HADHB: variants seen among roughly 807,000 people sequenced by gnomAD.
HADHB encodes hydroxyacyl-CoA dehydrogenase trifunctional multienzyme complex subunit beta, also known as trifunctional enzyme subunit beta, mitochondrial.
Under a neutral mutation model 61.9 loss-of-function variants are expected in HADHB, and 50 were observed. The ratio of observed to expected loss-of-function variants is 0.81; its 90% CI spans 0.64 to 1.02. The LOEUF is 1.02. Ranked by LOEUF, HADHB falls within the 50% of genes least tolerant of loss-of-function variation. The pLI is 0.00. For missense variants in HADHB, 504 were observed against 586.5 expected (o/e 0.86, Z 1.45); for synonymous variants, 191 against 201.6 (o/e 0.95, Z 0.45).
In HADHB at chr2:26,284,177, T is replaced by C. The variant is rs1200538942; in HGVS notation, c.1122T>C (p.Asp374=). 6.3e-7 allele frequency: 1 copy of C among 1,586,668 alleles called. No individual in the cohort carries two copies. The highest frequency in any genetic ancestry group is 1.7e-5 in the Admixed American group (1 of 59,980). The change falls in exon 13 of 16, where the codon GAT becomes GAC. Residue 374 remains aspartate, a synonymous_variant. Coordinates refer to ENST00000317799, the MANE Select transcript of HADHB (RefSeq NM_000183.3). Reference sequence around the variant, plus strand: ...CAGGATTGACCATGAATGATATTGATGCTTTTGAATTTCATGAAGCTTTCT... The same window carrying C: ...CAGGATTGACCATGAATGATATTGACGCTTTTGAATTTCATGAAGCTTTCT... The part of the protein sequence containing the change: ...EKAGLTMNDI[D]AFEFHEAFSG...
At chr2:26,284,313 G>C (rs1574668715) in intron 13 of HADHB, 109 bp downstream of exon 13, 2 of 775,030 alleles carry the variant, frequency 2.6e-6, no homozygotes, top group East Asian at 4.9e-5. Flanking sequence ...AGCAGGAGTG[G>C]ACCTGCATAT....
chr2:26,260,861 C>G, intron 3 of HADHB: 2 of 618,576 alleles, frequency 3.2e-6, no homozygotes, highest in Non-Finnish European at 5.7e-6. Context: ...CTTATTTGCT[C>G]ACTTATGGTT....
At chr2:26,277,305 A>G (rs1378059302) in intron 7 of HADHB, 145 bp downstream of exon 7, 2 of 575,748 alleles carry the variant, frequency 3.5e-6, no homozygotes, top group African/African-American at 2.0e-5. Flanking sequence ...TGGTACCATC[A>G]TAGCTCACTG....
intron 1 of HADHB, among the ~76,000 whole-genome samples, chr2:26,252,253 A>T (rs1204622346): frequency 1.3e-5 from 2 of 152,226 alleles, no homozygotes; most frequent in Non-Finnish European, 2.9e-5. Flanking sequence ...ATTCTGTGAT[A>T]TGGAGAGGGA....
chr2:26,280,796 G>A (rs369388374), intron 10 of HADHB, among the ~76,000 whole-genome samples: 13 of 146,548 alleles, frequency 8.9e-5, no homozygotes, highest in African/African-American at 2.8e-4. Flanking sequence ...TGGAGGTTGC[G>A]GTGAGCCAAG....
rs925005540 is a variant in HADHB at position 26,256,726 on chromosome 2, G to A, written c.109+2252G>A. On this transcript the variant is annotated intron_variant, in intron 3 of 15. Transcript: ENST00000317799. Reference sequence around the variant, plus strand: ...TCTAATATTTGCAAATAAGAAAATCGTGGCAGAGTAGGCCTACAACCCAGA... The same window carrying A: ...TCTAATATTTGCAAATAAGAAAATCATGGCAGAGTAGGCCTACAACCCAGA... Among the ~76,000 whole-genome samples, 9 of 152,136 alleles carry A rather than the reference G, an allele frequency of 5.9e-5. No homozygotes were observed. The East Asian group carries it at 1.3e-3, about 23-fold the overall frequency.
chr2:26,286,544 C>T (rs947229082), intron 15 of HADHB, among the ~76,000 whole-genome samples: 3 of 152,070 alleles, frequency 2.0e-5, no homozygotes, highest in Non-Finnish European at 2.9e-5. Flanking sequence ...ACTCTGTCCC[C>T]CAGGCTGGAG....
Position 26,289,997 on chromosome 2 carries a change from A to T in HADHB, c.*44A>T, listed in dbSNP as rs746969104. 7.6e-7 allele frequency: 1 copy of T among 1,313,946 alleles called. No individual in the cohort carries two copies. The highest frequency in any genetic ancestry group is 1.1e-6 in the Non-Finnish European group (1 of 906,314). The allele number at this position is 1,313,946 out of a possible 1,614,324, so 81.4% of individuals were successfully genotyped here. ...CCTGAAGTTTCTGTGCAACACTCAC[A>T]CTAGGCAATGCCATTTCAATGCATT... On this transcript the variant is annotated 3_prime_UTR_variant, in exon 16 of 16. Coordinates refer to ENST00000317799, the MANE Select transcript of HADHB (RefSeq NM_000183.3).
At chr2:26,272,367 CAG>C (rs1451867246) in intron 5 of HADHB, among the ~76,000 whole-genome samples, 15 of 137,344 alleles carry the variant, frequency 1.1e-4, no homozygotes, top group Non-Finnish European at 1.8e-4. Context: ...TTTTTTGACA[CAG>C]AGTTTCGCTC....
At chr2:26,282,766 G>A (rs1672844866) in intron 10 of HADHB, 79 bp from the exon 11 acceptor site, 1 of 911,264 alleles carries the variant, frequency 1.1e-6, no homozygotes. Context: ...ATAGATTCAG[G>A]TACAGATATA....
intron 6 of HADHB, among the ~76,000 whole-genome samples, chr2:26,275,677 C>G (rs1442885998): frequency 2.6e-5 from 4 of 152,194 alleles, no homozygotes; most frequent in Admixed American, 6.5e-5. Flanking sequence ...GAGGCTGATG[C>G]ACAGGTGCCT....
At chr2:26,245,401 C>T (rs1446855053) in intron 1 of HADHB, 1 of 152,312 alleles carries the variant, frequency 6.6e-6, no homozygotes, top group Non-Finnish European at 1.5e-5. Flanking sequence ...GTGGACGGCG[C>T]CATGGGTTTG....
At chr2:26,266,695 C>T (rs1021548082) in intron 4 of HADHB, among the ~76,000 whole-genome samples, 1 of 151,576 alleles carries the variant, frequency 6.6e-6, no homozygotes, top group Non-Finnish European at 1.5e-5. Flanking sequence ...GCCTGGCCAA[C>T]ATGGCGAGAC....
intron 15 of HADHB, among the ~76,000 whole-genome samples, chr2:26,286,389 T>C (rs754052798): frequency 2.0e-5 from 3 of 152,182 alleles, no homozygotes; most frequent in Non-Finnish European, 4.4e-5. Context: ...TGGGGAAATA[T>C]ATTGTTGACA....
In HADHB at chr2:26,257,524, C is replaced by T. The variant is rs1336548554; in HGVS notation, c.109+3050C>T. ...TTGGGGGAGGGGGCTCAGGAAAAACCTCTGTCTCCTCTGTGGCACCTTTAC... is the reference window on the plus strand; with the variant it reads ...TTGGGGGAGGGGGCTCAGGAAAAACTTCTGTCTCCTCTGTGGCACCTTTAC... On this transcript the variant is annotated intron_variant, in intron 3 of 15. Coordinates refer to ENST00000317799, the MANE Select transcript of HADHB (RefSeq NM_000183.3). Among the ~76,000 whole-genome samples, 5 of 152,184 alleles carry T rather than the reference C, an allele frequency of 3.3e-5. No individual in the cohort carries two copies. In the South Asian group the frequency reaches 8.3e-4, roughly 25 times the overall value.
intron 5 of HADHB, among the ~76,000 whole-genome samples, chr2:26,271,456 G>A (rs553352627): frequency 1.9e-4 from 29 of 151,896 alleles, no homozygotes; most frequent in Non-Finnish European, 3.1e-4. Context: ...GCAGTGAGCC[G>A]AGATCACGCC....
chr2:26,272,756 C>A (rs1053068244), intron 5 of HADHB, among the ~76,000 whole-genome samples: 1 of 152,076 alleles, frequency 6.6e-6, no homozygotes, highest in African/African-American at 2.4e-5. Context: ...TCTTAAAAAA[C>A]CTTTTGTCCT....
chr2:26,288,649 C>T (rs1673141186), intron 15 of HADHB, among the ~76,000 whole-genome samples: 1 of 151,762 alleles, frequency 6.6e-6, no homozygotes, highest in African/African-American at 2.4e-5. Flanking sequence ...GTTGAGGCTG[C>T]AGTGAGCCGT....
chr2:26,278,591 G>A (rs1558356598), intron 7 of HADHB, 23 bp from the exon 8 acceptor site: 3 of 1,591,486 alleles, frequency 1.9e-6, no homozygotes, highest in Non-Finnish European at 1.7e-6. Flanking sequence ...AGATATTCAT[G>A]AAGTATAACC....
Sources: gnomAD v4.1 joint callset for allele counts (sites outside exome capture counted in the v4.1 genomes callset) on GRCh38, gnomAD v4.1.1 for gene constraint, MANE v1.5 for transcripts, NCBI Gene and HGNC (gene_info 2026-07-23, HGNC 2026-07-21) for gene names.